R3HDM1: variants seen among roughly 807,000 people sequenced by gnomAD.
The protein encoded by R3HDM1 is R3H domain containing 1.
In R3HDM1, 46 loss-of-function variants were observed where a neutral mutation model predicts 141.1. That is an observed-to-expected ratio of 0.33 (90% CI 0.26 to 0.42). The LOEUF (loss-of-function observed/expected upper bound fraction) is 0.42. R3HDM1 is among the 10% of genes least tolerant of loss of function. The pLI is 1.00. For missense variants in R3HDM1, 1,184 were observed against 1,368.3 expected, an observed-to-expected ratio of 0.87 and a Z score of 2.12; for synonymous variants, 435 against 472.9, an observed-to-expected ratio of 0.92 and a Z score of 1.04.
intron 21 of R3HDM1, among the ~76,000 whole-genome samples, chr2:135,695,857 A>G (rs1200649918): frequency 6.6e-6 from 1 of 152,262 alleles, no homozygotes; most frequent in Non-Finnish European, 1.5e-5. Flanking sequence ...AGACAGAAGG[A>G]AAATGATACC....
intron 21 of R3HDM1, among the ~76,000 whole-genome samples, chr2:135,695,646 C>G (rs1409014323): frequency 1.3e-5 from 2 of 151,736 alleles, no homozygotes; most frequent in Non-Finnish European, 2.9e-5. Context: ...CAGAGGAACA[C>G]AGTTAAGAAT....
chr2:135,651,763 A>C lies in R3HDM1; in HGVS notation c.1759A>C (p.Ser587Arg), dbSNP rs1361265160. 2.5e-6 allele frequency: 4 copies of C among 1,613,596 alleles called. No individual in the cohort carries two copies. In the East Asian group the frequency reaches 6.7e-5, roughly 27 times the overall value. The change falls in exon 18 of 27, where the codon AGT (serine) becomes CGT (arginine). Residue 587 changes from serine to arginine, a missense_variant. Physicochemically the swap from Ser to Arg is moderately radical, Grantham distance 110. Coordinates refer to ENST00000683871, the MANE Select transcript of R3HDM1 (RefSeq NM_001378107.1). ...DNLGSQFSHM[S>R]LARQPSADGS... ...CCTAGGGTCTCAGTTTAGCCACATG[A>C]GTCTTGCTCGCCAGCCATCTGCTGA...
chr2:135,697,964 A>T (rs1412965910), intron 21 of R3HDM1, among the ~76,000 whole-genome samples: 1 of 151,212 alleles, frequency 6.6e-6, no homozygotes, highest in Non-Finnish European at 1.5e-5. Flanking sequence ...GACGCATAAG[A>T]ATCACTTAAA....
chr2:135,539,561 T>TA (rs1295099002), intron 1 of R3HDM1, among the ~76,000 whole-genome samples: 1 of 152,200 alleles, frequency 6.6e-6, no homozygotes, highest in East Asian at 1.9e-4. Flanking sequence ...ACCTAGGAGA[T>TA]ACTGCGAGTT....
At chr2:135,649,048 A>G (rs914967307) in intron 16 of R3HDM1, 1 of 149,868 alleles carries the variant, frequency 6.7e-6, no homozygotes, top group Admixed American at 6.7e-5. Context: ...AATAGTTCCC[A>G]CCATATATAT....
At chr2:135,625,150 A>C (rs2061879341) in intron 7 of R3HDM1, among the ~76,000 whole-genome samples, 1 of 152,200 alleles carries the variant, frequency 6.6e-6, no homozygotes. Context: ...AGTTACACTG[A>C]AAATAAAATA....
intron 20 of R3HDM1, among the ~76,000 whole-genome samples, chr2:135,677,765 A>C (rs753028959): frequency 3.9e-5 from 6 of 152,180 alleles, no homozygotes; most frequent in Non-Finnish European, 7.3e-5. Context: ...CTCCTACTAC[A>C]TTTGATAAAC....
intron 19 of R3HDM1, chr2:135,665,538 G>A: frequency 2.1e-6 from 1 of 472,482 alleles, no homozygotes; most frequent in Non-Finnish European, 4.5e-6. Context: ...CTGTATGAAG[G>A]TGTTAACATT....
chr2:135,699,043 A>G (rs1559466288), intron 21 of R3HDM1, among the ~76,000 whole-genome samples: 2 of 91,528 alleles, frequency 2.2e-5, no homozygotes, highest in Non-Finnish European at 5.2e-5. Context: ...AGATAGATAG[A>G]TAAGATAGAT....
chr2:135,636,233 G>T, intron 11 of R3HDM1, 50 bp downstream of exon 11: 3 of 1,568,772 alleles, frequency 1.9e-6, no homozygotes, highest in Non-Finnish European at 2.6e-6. Flanking sequence ...TTCTAATTAC[G>T]TTGTAGGGTC....
chr2:135,540,738 C>G (rs868373938), intron 1 of R3HDM1, among the ~76,000 whole-genome samples: 5 of 152,112 alleles, frequency 3.3e-5, no homozygotes, highest in African/African-American at 1.2e-4. Flanking sequence ...TGGCATCTAG[C>G]GTGATGAATC....
At chr2:135,699,040 TAGATA>T (rs1161495958) in intron 21 of R3HDM1, among the ~76,000 whole-genome samples, 1,480 of 113,700 alleles carry the variant, frequency 0.013, 23 homozygotes, top group Admixed American at 0.025. Context: ...GATAGATAGA[TAGATA>T]AGATAGATAA....
rs1456391610 is a variant in R3HDM1, at chr2:135,553,400, A to G, written c.-250+21767A>G. Among the ~76,000 whole-genome samples, 3 of 152,208 alleles carry G rather than the reference A, an allele frequency of 2.0e-5. No homozygotes were observed. In the South Asian group the frequency reaches 6.2e-4, roughly 31 times the overall value. On this transcript the variant is annotated intron_variant, in intron 1 of 26. Coordinates refer to ENST00000683871, the MANE Select transcript of R3HDM1 (RefSeq NM_001378107.1). ...AAAGGCAAACAGCAGTGATTTGTAC[A>G]AAATTTCAGCAGATCCAGATTAGCA...
intron 2 of R3HDM1, among the ~76,000 whole-genome samples, chr2:135,604,363 C>T (rs2105111073): frequency 6.6e-6 from 1 of 152,298 alleles, no homozygotes. Flanking sequence ...CCAGCCATTA[C>T]CTTCTACCTT....
chr2:135,688,393 T>C lies in R3HDM1; in HGVS notation c.2459+8069T>C, dbSNP rs143784485. ...GTCCTAAAATAACATCCGAAATAGA[T>C]GACAAAGTTATGAAAAAGATGGAAA... is the stretch of plus-strand genomic sequence containing the variant. On this transcript the variant is annotated intron_variant, in intron 21 of 26. Coordinates refer to ENST00000683871, the MANE Select transcript of R3HDM1 (RefSeq NM_001378107.1). Among the ~76,000 whole-genome samples the C allele has an allele frequency of 3.1e-3, 479 of 152,220 alleles. 2 individuals are homozygous for C. The highest frequency in any genetic ancestry group is 0.01 in the Middle Eastern group (3 of 294).
intron 1 of R3HDM1, among the ~76,000 whole-genome samples, chr2:135,563,997 A>T (rs1360452255): frequency 2.6e-5 from 4 of 152,116 alleles, no homozygotes; most frequent in Non-Finnish European, 4.4e-5. Flanking sequence ...GAGGCGCCGC[A>T]TGAATCACAT....
chr2:135,650,246 A>G (rs182163229), intron 17 of R3HDM1: 32 of 984,184 alleles, frequency 3.3e-5, no homozygotes, highest in Admixed American at 1.8e-4. Context: ...AAGAATTTTC[A>G]GGTTGATTAT....
chr2:135,558,038 A>G (rs1349678959), intron 1 of R3HDM1, among the ~76,000 whole-genome samples: 1 of 152,242 alleles, frequency 6.6e-6, no homozygotes, highest in Admixed American at 6.5e-5. Context: ...ATAAATGATA[A>G]TGGGGCTAAA....
At chr2:135,628,243 G>C (rs2062250756) in intron 7 of R3HDM1, among the ~76,000 whole-genome samples, 1 of 152,140 alleles carries the variant, frequency 6.6e-6, no homozygotes, top group South Asian at 2.1e-4. Context: ...AAATTTGAAA[G>C]CTTGGATAAG....
Sources: gnomAD v4.1 joint callset for allele counts (sites outside exome capture counted in the v4.1 genomes callset) on GRCh38, gnomAD v4.1.1 for gene constraint, MANE v1.5 for transcripts, NCBI Gene and HGNC (gene_info 2026-07-23, HGNC 2026-07-21) for gene names.